TMF1: variants seen among roughly 807,000 people sequenced by gnomAD.
TMF1 encodes TATA element modulatory factor 1.
TMF1 carries 71 observed loss-of-function variants against 126.5 expected under a neutral mutation model. The ratio of observed to expected loss-of-function variants is 0.56; its 90% confidence interval spans 0.46 to 0.68. The LOEUF (loss-of-function observed/expected upper bound fraction) is 0.68, where lower values mean the gene tolerates loss of function less well. TMF1 is among the 30% of genes least tolerant of loss of function. The pLI is 0.00. For missense variants in TMF1, 1,259 were observed against 1,253.2 expected (o/e 1.00, Z -0.07); for synonymous variants, 461 against 430.5 (o/e 1.07, Z -0.88).
intron 2 of TMF1, among the ~76,000 whole-genome samples, chr3:69,046,561 T>A (rs2091897240): frequency 6.6e-6 from 1 of 152,212 alleles, no homozygotes; most frequent in Non-Finnish European, 1.5e-5. Flanking sequence ...TACAGGACAT[T>A]TCTTCAAGAC....
rs907368824 is a variant in TMF1 at position 69,051,970 on chromosome 3, G to A, written c.117C>T (p.Ala39=). The stretch of plus-strand genomic sequence containing the variant: ...CCGGCTCTCCATACGGAATGGTCTC[G>A]GCCCAGATGCTCGGCTCCTCTTCCT... ...DIQEEEPSIW[A]ETIPYGEPGI... is the part of the protein sequence containing the mutation. Residue 39 remains alanine (A), a synonymous_variant, in exon 1 of 17, where the codon GCC becomes GCT. Coordinates refer to ENST00000398559, the MANE Select transcript of TMF1 (RefSeq NM_007114.3). 1 of 1,613,810 alleles carries A rather than the reference G, an allele frequency of 6.2e-7. No homozygotes were observed. Among genetic ancestry groups the A allele is most frequent in the East Asian group, 2.2e-5 (1 of 44,830 alleles).
chr3:69,028,243 C>G lies in TMF1; in HGVS notation c.2647G>C (p.Glu883Gln). 1.2e-6 allele frequency: 2 copies of G among 1,613,202 alleles called. No individual in the cohort carries two copies. The highest frequency in any genetic ancestry group is 2.2e-5 in the South Asian group (2 of 91,064). Residue 883 changes from glutamate (E) to glutamine (Q), a missense_variant, in exon 12 of 17, where the codon GAG becomes CAG. Coordinates refer to ENST00000398559, the MANE Select transcript of TMF1 (RefSeq NM_007114.3). ...AGAAATACCTTTTCTTTCCTCGTCT[C>G]TTCAAGTGTTCTTACATATTCATCT... ...LKDEYVRTLE[E>Q]TRKEKTLLNS...
At chr3:69,026,688 C>T (rs953311435) in intron 13 of TMF1, among the ~76,000 whole-genome samples, 3 of 148,684 alleles carry the variant, frequency 2.0e-5, no homozygotes, top group African/African-American at 7.9e-5. Context: ...TTGGTTAGAT[C>T]ATCACAGAAC....
intron 1 of TMF1, 188 bp from the exon 2 acceptor site, chr3:69,048,750 G>A (rs890578476): frequency 2.1e-4 from 108 of 517,940 alleles, no homozygotes; most frequent in Middle Eastern, 1.1e-3. Flanking sequence ...GGGACTTACG[G>A]AAGAAAACTG....
rs777974167 is a variant in TMF1 at position 69,023,317 on chromosome 3, A to T, written c.3142T>A (p.Leu1048Met). Residue 1048 changes from leucine (L) to methionine (M), a missense_variant, in exon 17 of 17, where the codon TTG becomes ATG. Transcript: ENST00000398559. The part of the protein sequence containing the change: ...IPKLRTQLRD[L>M]DQRYNTILQM... ...AGAATAGTGTTGTACCTTTGATCCA[A>T]ATCCTGAAAAATGTATTTGTTTACA... The T allele has an allele frequency of 9.0e-5, 145 of 1,603,812 alleles. No homozygotes were observed. The highest frequency in any genetic ancestry group is 1.2e-4 in the Non-Finnish European group (142 of 1,176,334).
At chr3:69,031,039 A>G (rs2091799100) in intron 10 of TMF1, among the ~76,000 whole-genome samples, 1 of 152,224 alleles carries the variant, frequency 6.6e-6, no homozygotes, top group African/African-American at 2.4e-5. Context: ...CGTGGTACAT[A>G]CTATGGAATA....
At chr3:69,030,784 T>C (rs7429868) in intron 10 of TMF1, 150,501 of 152,348 alleles carry the variant, frequency 0.99, 74,362 homozygotes, top group Non-Finnish European at 1. Context: ...AGGGACGACA[T>C]AAAATGTTGG....
Position 69,038,630 on chromosome 3 carries a change from T to C in TMF1, c.2085A>G (p.Glu695=), listed in dbSNP as rs752648169. The C allele has an allele frequency of 6.2e-7, 1 of 1,614,174 alleles. No homozygotes were observed. The highest frequency in any genetic ancestry group is 8.5e-7 in the Non-Finnish European group (1 of 1,180,020). The change falls in exon 8 of 17, where the codon GAA becomes GAG. Residue 695 remains glutamate, a synonymous_variant. Transcript: ENST00000398559. ...GGGCCTTCTCTAATGCTGCAGAAAG[T>C]TCTTCTTTAGCTTTCATTTCACGGC... is the stretch of plus-strand genomic sequence containing the variant. The part of the protein sequence containing the change: ...ALSREMKAKE[E]LSAALEKAQE...
chr3:69,047,908 C>G lies in TMF1; in HGVS notation c.797G>C (p.Ser266Thr). Residue 266 changes from serine (S) to threonine (T), a missense_variant, in exon 2 of 17, where the codon AGT becomes ACT. Transcript: ENST00000398559. Reference sequence around the variant, plus strand: ...GCTCGCTGAGCTCTCACTTATTACACTTTCATGATCTAAAACTTCAATATC... The same window carrying G: ...GCTCGCTGAGCTCTCACTTATTACAGTTTCATGATCTAAAACTTCAATATC... ...TSDIEVLDHE[S>T]VISESSASSR... 6.2e-7 allele frequency: 1 copy of G among 1,613,864 alleles called. No individual in the cohort carries two copies. Among genetic ancestry groups the G allele is most frequent in the Non-Finnish European group, 8.5e-7 (1 of 1,180,028 alleles).
In TMF1 at chr3:69,047,819, G is replaced by A. The variant is rs1311198686; in HGVS notation, c.886C>T (p.Leu296Phe). Residue 296 changes from leucine (L) to phenylalanine (F), a missense_variant, in exon 2 of 17, where the codon CTC (leucine) becomes TTC (phenylalanine). Leu to Phe is a conservative substitution (Grantham distance 22). Coordinates refer to ENST00000398559, the MANE Select transcript of TMF1 (RefSeq NM_007114.3). Reference protein sequence around the residue: ...LHLMQTSFQLLSASACPEYNR... With the variant: ...LHLMQTSFQLFSASACPEYNR... Reference sequence around the variant, plus strand: ...TATTCAGGACAAGCAGATGCAGAGAGAAGCTGAAAAGATGTCTGCATCAAG... The same window carrying A: ...TATTCAGGACAAGCAGATGCAGAGAAAAGCTGAAAAGATGTCTGCATCAAG... 2 of 1,613,964 alleles carry A rather than the reference G, an allele frequency of 1.2e-6. No homozygotes were observed.
chr3:69,051,715 G>T (rs1200652440), intron 1 of TMF1, among the ~76,000 whole-genome samples: 1 of 152,034 alleles, frequency 6.6e-6, no homozygotes, highest in Admixed American at 6.5e-5. Context: ...CACAAGCCTC[G>T]CACCCAGGAC....
rs1308356062 is a variant in TMF1 at position 69,035,134 on chromosome 3, T to C, written c.2152-19A>G. On this transcript the variant is annotated intron_variant, in intron 8 of 16. Coordinates refer to ENST00000398559, the MANE Select transcript of TMF1 (RefSeq NM_007114.3). ...CCCCCACCTGTAGGAGGAGAAACAATACATTCACAAACAATGGTACAGTAT... is the reference window on the plus strand; with the variant it reads ...CCCCCACCTGTAGGAGGAGAAACAACACATTCACAAACAATGGTACAGTAT... 2 of 1,594,920 alleles carry C rather than the reference T, an allele frequency of 1.3e-6. No individual in the cohort carries two copies. Among genetic ancestry groups the C allele is most frequent in the African/African-American group, 1.3e-5 (1 of 74,546 alleles).
In TMF1 at chr3:69,047,986, T is replaced by C; in HGVS notation, c.719A>G (p.Asn240Ser). ...GGTACTAACAGGAGGAGAAGGTGTA[T>C]TGCTCTGCCTGTCTTCATGTTTTTG... ...KEQKHEDRQS[N>S]TPSPPVSTFS... The change falls in exon 2 of 17, where the codon AAT becomes AGT. Residue 240 changes from asparagine to serine, a missense_variant. Asn to Ser is a conservative substitution (Grantham distance 46). Coordinates refer to ENST00000398559, the MANE Select transcript of TMF1 (RefSeq NM_007114.3). 2 of 1,613,864 alleles carry C rather than the reference T, an allele frequency of 1.2e-6. No individual in the cohort carries two copies. The highest frequency in any genetic ancestry group is 1.7e-6 in the Non-Finnish European group (2 of 1,180,024).
chr3:69,044,744 G>A, intron 2 of TMF1, 149 bp from the exon 3 acceptor site: 1 of 511,410 alleles, frequency 2.0e-6, no homozygotes, highest in Non-Finnish European at 3.5e-6. Context: ...TCCAGAACAA[G>A]AAGAACTCTT....
Position 69,020,091 on chromosome 3 carries a change from TTC to T in TMF1, c.*3084_*3085del, listed in dbSNP as rs2091721315. ...AAAACAAGATAAAACATCTACAGTT[TTC>T]TTTTTTCTTCTATTTTCTAAATATT... is the stretch of plus-strand genomic sequence containing the variant. On this transcript the variant is annotated 3_prime_UTR_variant, in exon 17 of 17. Transcript: ENST00000398559. 1 of 152,050 alleles carries T rather than the reference TTC, an allele frequency of 6.6e-6. No homozygotes were observed. Among genetic ancestry groups the T allele is most frequent in the South Asian group, 2.1e-4 (1 of 4,832 alleles). The allele number at this position is 152,050 out of a possible 1,614,324, so 9.4% of individuals were successfully genotyped here.
Position 69,042,796 on chromosome 3 carries a change from A to G in TMF1, c.1684+11T>C, listed in dbSNP as rs2091874886. 1.2e-6 allele frequency: 2 copies of G among 1,607,038 alleles called. No individual in the cohort carries two copies. Among genetic ancestry groups the G allele is most frequent in the African/African-American group, 2.7e-5 (2 of 74,824 alleles). The stretch of plus-strand genomic sequence containing the variant: ...CAGTATTTTTCATAGTCAACCAAAT[A>G]CTATACGCACCTTCTTCCATTAACC... On this transcript the variant is annotated intron_variant, in intron 5 of 16. Coordinates refer to ENST00000398559, the MANE Select transcript of TMF1 (RefSeq NM_007114.3).
rs2091748275 is a variant in TMF1, at chr3:69,023,102, T to G, written c.*75A>C. The G allele has an allele frequency of 7.2e-7, 1 of 1,390,674 alleles. No homozygotes were observed. Among genetic ancestry groups the G allele is most frequent in the African/African-American group, 1.5e-5 (1 of 68,802 alleles). The allele number at this position is 1,390,674 out of a possible 1,614,324, so 86.1% of individuals were successfully genotyped here. On this transcript the variant is annotated 3_prime_UTR_variant, in exon 17 of 17. Transcript: ENST00000398559. ...CCACTTTCTAATTCTATAAAAGAAT[T>G]TATTGGAAGTCCACATTAAATGTTT...
chr3:69,043,185 T>A (rs1376041489), intron 4 of TMF1, among the ~76,000 whole-genome samples: 1 of 152,166 alleles, frequency 6.6e-6, no homozygotes, highest in Admixed American at 6.5e-5. Flanking sequence ...TTATTTTTAT[T>A]TTTTGAGACA....
At chr3:69,051,883 C>G in intron 1 of TMF1, 62 bp downstream of exon 1, 2 of 1,581,764 alleles carry the variant, frequency 1.3e-6, no homozygotes, top group Non-Finnish European at 1.7e-6. Context: ...ACCACTTAAC[C>G]TGCCTGCATC....
Sources: gnomAD v4.1 joint callset for allele counts (sites outside exome capture counted in the v4.1 genomes callset) on GRCh38, gnomAD v4.1.1 for gene constraint, MANE v1.5 for transcripts, NCBI Gene and HGNC (gene_info 2026-07-23, HGNC 2026-07-21) for gene names.